The following RHBDD1 variants were observed in gnomAD, a reference collection of about 807,000 sequenced individuals.
RHBDD1 encodes rhomboid-related protein 4.
A neutral mutation model predicts 36.3 loss-of-function variants in RHBDD1; 38 were observed. The ratio of observed to expected loss-of-function variants is 1.05; its 90% CI spans 0.81 to 1.37. The LOEUF is 1.37. Ranked by LOEUF, RHBDD1 falls within the 40% of genes most tolerant of loss-of-function variation. The probability of loss-of-function intolerance (pLI) is 0.00; values close to 1 mark genes in which losing one functional copy is unlikely to be tolerated. For synonymous variants in RHBDD1, 151 were observed against 136.5 expected (o/e 1.11, Z -0.74); for missense variants, 393 against 377.6 (o/e 1.04, Z -0.34).
At chr2:226,976,628 G>C (rs1954632450) in intron 8 of RHBDD1, among the ~76,000 whole-genome samples, 1 of 152,130 alleles carries the variant, frequency 6.6e-6, no homozygotes, top group Non-Finnish European at 1.5e-5. Flanking sequence ...AGGAAGAGAA[G>C]AGACCCCAGT....
the RHBDD1 span, among the ~76,000 whole-genome samples, chr2:226,819,339 T>A: frequency 4.6e-5 from 7 of 152,226 alleles, no homozygotes; most frequent in Non-Finnish European, 1.0e-4. Context: ...ATTTGCCATG[T>A]CTAATTGATG....
At chr2:226,992,833 T>C (rs1208928607) in intron 8 of RHBDD1, among the ~76,000 whole-genome samples, 2 of 152,198 alleles carry the variant, frequency 1.3e-5, no homozygotes, top group African/African-American at 2.4e-5. Flanking sequence ...CTCAGAAGGT[T>C]CGCTGTTCTT....
chr2:226,900,339 T>A (rs1167308966), intron 5 of RHBDD1, among the ~76,000 whole-genome samples: 1 of 152,198 alleles, frequency 6.6e-6, no homozygotes, highest in Non-Finnish European at 1.5e-5. Flanking sequence ...AGAATCACTG[T>A]GACCCTGGAA....
chr2:226,874,308 T>C (rs549721814), intron 5 of RHBDD1, among the ~76,000 whole-genome samples: 9 of 152,294 alleles, frequency 5.9e-5, no homozygotes, highest in African/African-American at 2.2e-4. Context: ...GAGGCTACTC[T>C]GGTGTTCTCT....
At chr2:226,970,390 G>A (rs1409288096) in intron 8 of RHBDD1, among the ~76,000 whole-genome samples, 39 of 152,182 alleles carry the variant, frequency 2.6e-4, no homozygotes, top group African/African-American at 8.2e-4. Flanking sequence ...ACTAAAATAA[G>A]CTTTTTTCCC....
Position 226,865,039 on chromosome 2 carries a change from G to A in RHBDD1, c.346G>A (p.Gly116Arg), listed in dbSNP as rs775929700. ...TATCACCGCATTTTCTGTACTTACT[G>A]GAGTGGTATACCTGCTCTTGCAATT... ...YVITAFSVLTGVVYLLLQFAV... is the reference protein window; with the variant it reads ...YVITAFSVLTRVVYLLLQFAV... The change falls in exon 4 of 9, where the codon GGA (glycine) becomes AGA (arginine). Residue 116 changes from glycine (G) to arginine (R), a missense_variant. Gly to Arg is a moderately radical substitution (Grantham distance 125). Transcript: ENST00000392062. 6 of 1,614,048 alleles carry A rather than the reference G, an allele frequency of 3.7e-6. No homozygotes were observed. The highest frequency in any genetic ancestry group is 1.7e-5 in the Admixed American group (1 of 60,002).
chr2:226,940,710 C>A (rs55959848), intron 8 of RHBDD1, among the ~76,000 whole-genome samples: 69,992 of 151,994 alleles, frequency 0.46, 16,322 homozygotes, highest in African/African-American at 0.53. Flanking sequence ...GCACTGAAAG[C>A]AAACTTAGAG....
chr2:226,980,442 G>T (rs1955474265), intron 8 of RHBDD1, among the ~76,000 whole-genome samples: 1 of 152,150 alleles, frequency 6.6e-6, no homozygotes, highest in African/African-American at 2.4e-5. Context: ...GTGTGGTTCT[G>T]TGCCTCTTAG....
intron 8 of RHBDD1, among the ~76,000 whole-genome samples, chr2:226,967,647 CATT>C (rs1952749061): frequency 1.3e-5 from 2 of 151,166 alleles, no homozygotes; most frequent in East Asian, 2.0e-4. Flanking sequence ...TTGTAGAAGT[CATT>C]GTTGTAGTAA....
chr2:226,967,116 C>A (rs1952696630), intron 8 of RHBDD1, among the ~76,000 whole-genome samples: 1 of 152,160 alleles, frequency 6.6e-6, no homozygotes, highest in Admixed American at 6.5e-5. Flanking sequence ...CATCTGAGAA[C>A]CTGTTATAGA....
intron 8 of RHBDD1, among the ~76,000 whole-genome samples, chr2:226,982,882 G>A (rs1956090757): frequency 6.6e-6 from 1 of 152,200 alleles, no homozygotes; most frequent in African/African-American, 2.4e-5. Flanking sequence ...CTACTCCAGT[G>A]TCATCACAAA....
intron 6 of RHBDD1, 72 bp downstream of exon 6, chr2:226,906,953 A>G (rs183709529): frequency 6.7e-7 from 1 of 1,499,992 alleles, no homozygotes; most frequent in African/African-American, 1.4e-5. Context: ...AACAGAAGCA[A>G]CCCCAAGTTT....
chr2:226,933,305 C>A (rs962648219), intron 8 of RHBDD1, among the ~76,000 whole-genome samples: 38 of 152,034 alleles, frequency 2.5e-4, no homozygotes, highest in Admixed American at 2.5e-3. Context: ...ATCTGGGCAG[C>A]CTTTCATACA....
the RHBDD1 span, among the ~76,000 whole-genome samples, chr2:226,824,755 G>A: frequency 6.6e-6 from 1 of 152,194 alleles, no homozygotes; most frequent in Non-Finnish European, 1.5e-5. Flanking sequence ...CATCAGGGCT[G>A]AACAGATTGA....
chr2:226,848,725 A>G (rs1432375901), intron 3 of RHBDD1, among the ~76,000 whole-genome samples: 1 of 152,124 alleles, frequency 6.6e-6, no homozygotes, highest in Non-Finnish European at 1.5e-5. Context: ...AGTGTAGACT[A>G]GCTTGAGAAT....
chr2:226,995,863 C>T lies in RHBDD1; in HGVS notation c.*341C>T, dbSNP rs566066387. On this transcript the variant is annotated 3_prime_UTR_variant, in exon 9 of 9. Transcript: ENST00000392062. ...GACCTTCACCAGGAGGTTTTACTTACACCAGTCGGGAAGATTAGTCCCTCA... is the reference window on the plus strand; with the variant it reads ...GACCTTCACCAGGAGGTTTTACTTATACCAGTCGGGAAGATTAGTCCCTCA... 1.8e-4 allele frequency: 45 copies of T among 252,094 alleles called. No individual in the cohort carries two copies. Among genetic ancestry groups the T allele is most frequent in the African/African-American group, 9.9e-4 (44 of 44,576 alleles). 15.6% of individuals were successfully genotyped at this position (252,094 alleles called of 1,614,324 possible). A position where few individuals can be genotyped will look rare whatever the true frequency, so the allele number is the denominator to read the frequency against.
chr2:226,966,113 A>G (rs1298319057), intron 8 of RHBDD1, among the ~76,000 whole-genome samples: 1 of 152,166 alleles, frequency 6.6e-6, no homozygotes, highest in East Asian at 1.9e-4. Flanking sequence ...TAAAAACCAT[A>G]TGATTGTCTC....
chr2:226,835,274 C>A (rs1940860746), upstream of RHBDD1, among the ~76,000 whole-genome samples: 1 of 152,194 alleles, frequency 6.6e-6, no homozygotes, highest in Admixed American at 6.5e-5. Flanking sequence ...CTTAGCCTAA[C>A]TCCTACAGCT....
chr2:226,878,223 A>G (rs1028101778), intron 5 of RHBDD1, among the ~76,000 whole-genome samples: 2 of 151,134 alleles, frequency 1.3e-5, no homozygotes, highest in African/African-American at 2.4e-5. Context: ...GGGAGAGGGA[A>G]GCAGTAGAAT....
Sources: gnomAD v4.1 joint callset for allele counts (sites outside exome capture counted in the v4.1 genomes callset) on GRCh38, gnomAD v4.1.1 for gene constraint, MANE v1.5 for transcripts, NCBI Gene and HGNC (gene_info 2026-07-23, HGNC 2026-07-21) for gene names.